NFE2L3: variants seen among roughly 807,000 people sequenced by gnomAD.
NFE2L3 encodes the protein NFE2 like bZIP transcription factor 3.
In NFE2L3, 18 loss-of-function variants were observed where a neutral mutation model predicts 23.5. That is an observed-to-expected ratio of 0.77 (90% CI 0.53 to 1.13). The LOEUF is 1.13. NFE2L3 is among the 50% of genes most tolerant of loss of function. The pLI, the probability that NFE2L3 is intolerant of heterozygous loss-of-function variation, is 0.00. For missense variants in NFE2L3, 1,152 were observed against 877.2 expected (o/e 1.31, Z -3.96); for synonymous variants, 424 against 354.5 (o/e 1.20, Z -2.20).
At chr7:26,163,839 A>G (rs1784207440) in intron 1 of NFE2L3, among the ~76,000 whole-genome samples, 2 of 151,220 alleles carry the variant, frequency 1.3e-5, no homozygotes, top group Admixed American at 6.6e-5. Context: ...CCAGTGTGTG[A>G]TGTTCCCCTT....
chr7:26,177,279 A>G (rs1042876058), intron 1 of NFE2L3, among the ~76,000 whole-genome samples: 2 of 152,228 alleles, frequency 1.3e-5, no homozygotes, highest in Non-Finnish European at 2.9e-5. Flanking sequence ...GCGAGCCGAG[A>G]TCATGCCACT....
At position 26,152,427 on chromosome 7, in the gene NFE2L3, C is replaced by T. The variant is rs1055881753; in HGVS notation, c.-72C>T. 1.8e-6 allele frequency: 2 copies of T among 1,100,684 alleles called. No individual in the cohort carries two copies. The highest frequency in any genetic ancestry group is 2.3e-6 in the Non-Finnish European group (2 of 876,026). 68.2% of individuals were successfully genotyped at this position (1,100,684 alleles called of 1,614,324 possible). A position where few individuals can be genotyped will look rare whatever the true frequency, so the allele number is the denominator to read the frequency against. On this transcript the variant is annotated 5_prime_UTR_variant, in exon 1 of 4. In the 5' UTR this introduces an upstream ATG that the reference lacks. Transcript: ENST00000056233. This position sits in a 1 kb window ranked among gnomAD's most constrained non-coding sequence, Gnocchi z 4.4. ...GTGCGGGCGGCGCGCGGGGTCCGCA[C>T]GTGTCACCCCGGCGGCTGGGGCGCC...
Position 26,185,937 on chromosome 7 carries a change from A to G in NFE2L3, c.*154A>G, listed in dbSNP as rs1218067697. Reference sequence around the variant, plus strand: ...ACGCTGTTTTGAAGCTTACATGGACAAATGTTTAGGACTTCAAGATCACAC... The same window carrying G: ...ACGCTGTTTTGAAGCTTACATGGACGAATGTTTAGGACTTCAAGATCACAC... On this transcript the variant is annotated 3_prime_UTR_variant, in exon 4 of 4. Coordinates refer to ENST00000056233, the MANE Select transcript of NFE2L3 (RefSeq NM_004289.7). 2 of 665,522 alleles carry G rather than the reference A, an allele frequency of 3.0e-6. No homozygotes were observed. The highest frequency in any genetic ancestry group is 4.8e-6 in the Non-Finnish European group (2 of 413,070). 41.2% of individuals were successfully genotyped at this position (665,522 alleles called of 1,614,324 possible). A position where few individuals can be genotyped will look rare whatever the true frequency, so the allele number is the denominator to read the frequency against.
chr7:26,160,547 A>C (rs188791511), intron 1 of NFE2L3, among the ~76,000 whole-genome samples: 73 of 152,360 alleles, frequency 4.8e-4, no homozygotes, highest in African/African-American at 1.7e-3. Flanking sequence ...GGCAAATTCA[A>C]ACTCTCTAGG....
At chr7:26,183,536 A>G (rs945816404) in intron 2 of NFE2L3, among the ~76,000 whole-genome samples, 165 bp from the exon 3 acceptor site, 1 of 151,466 alleles carries the variant, frequency 6.6e-6, no homozygotes, top group Non-Finnish European at 1.5e-5. Context: ...CCAGAGTGAG[A>G]TCCGTCTCAA....
intron 1 of NFE2L3, among the ~76,000 whole-genome samples, chr7:26,165,367 C>A (rs1027873535): frequency 1.3e-5 from 2 of 152,172 alleles, no homozygotes; most frequent in African/African-American, 4.8e-5. Flanking sequence ...TCCTTCACAT[C>A]CCTTGTAAGT....
At chr7:26,174,484 A>G (rs1257304524) in intron 1 of NFE2L3, 3 of 152,342 alleles carry the variant, frequency 2.0e-5, no homozygotes, top group Non-Finnish European at 2.9e-5. Context: ...AGCAGGAGCA[A>G]TATCTTGAGC....
At chr7:26,181,501 A>G (rs947907219) in intron 2 of NFE2L3, among the ~76,000 whole-genome samples, 1 of 152,176 alleles carries the variant, frequency 6.6e-6, no homozygotes, top group Non-Finnish European at 1.5e-5. Context: ...GGGGCCCCAA[A>G]GCTAGATATA....
At chr7:26,154,751 G>A (rs1463603637) in intron 1 of NFE2L3, among the ~76,000 whole-genome samples, 2 of 152,146 alleles carry the variant, frequency 1.3e-5, no homozygotes, top group Non-Finnish European at 2.9e-5. Context: ...ATGTTGCCTA[G>A]GCTGGTCTCG....
At chr7:26,184,091 T>C (rs1403636909) in intron 3 of NFE2L3, 1 of 399,384 alleles carries the variant, frequency 2.5e-6, no homozygotes, top group South Asian at 3.5e-5. Context: ...TGCACCCCCA[T>C]GTTTATTGCA....
At chr7:26,175,059 G>A (rs896173095) in intron 1 of NFE2L3, 4 of 152,100 alleles carry the variant, frequency 2.6e-5, no homozygotes, top group African/African-American at 9.7e-5. Context: ...ATTATAAAAG[G>A]AATATGGCGG....
intron 2 of NFE2L3, among the ~76,000 whole-genome samples, chr7:26,180,501 T>C (rs1277220437): frequency 6.6e-6 from 1 of 152,220 alleles, no homozygotes; most frequent in Non-Finnish European, 1.5e-5. Context: ...GACTTTTATA[T>C]TAAAATACTG....
At chr7:26,183,920 A>T (rs1782401590) in intron 3 of NFE2L3, 136 bp downstream of exon 3, 1 of 630,192 alleles carries the variant, frequency 1.6e-6, no homozygotes, top group South Asian at 2.0e-5. Context: ...TTCAGCTTAG[A>T]ATTAACCAAA....
intron 1 of NFE2L3, among the ~76,000 whole-genome samples, chr7:26,165,903 A>G (rs773046484): frequency 2.6e-5 from 4 of 152,224 alleles, no homozygotes; most frequent in Admixed American, 6.5e-5. Context: ...TTTAATAATC[A>G]TCACATATCT....
chr7:26,183,871 C>T (rs1562679296), intron 3 of NFE2L3, 87 bp downstream of exon 3: 1 of 875,010 alleles, frequency 1.1e-6, no homozygotes, highest in East Asian at 2.4e-5. Flanking sequence ...ACTTGGATGA[C>T]ACAGCAGTTT....
chr7:26,166,345 T>A (rs1432713734), intron 1 of NFE2L3, among the ~76,000 whole-genome samples: 2 of 152,138 alleles, frequency 1.3e-5, no homozygotes, highest in African/African-American at 4.8e-5. Flanking sequence ...TGGCTATACC[T>A]GTGTTCTGCT....
At chr7:26,176,150 C>T (rs1374621668) in intron 1 of NFE2L3, among the ~76,000 whole-genome samples, 1 of 152,078 alleles carries the variant, frequency 6.6e-6, no homozygotes, top group African/African-American at 2.4e-5. Flanking sequence ...TGACACAGCA[C>T]ATGTTTCAGA....
Position 26,185,016 on chromosome 7 carries a change from T to C in NFE2L3, c.1318T>C (p.Ser440Pro), listed in dbSNP as rs763667974. The change falls in exon 4 of 4, where the codon TCT becomes CCT. Residue 440 changes from serine (S) to proline (P), a missense_variant. Physicochemically the swap from Ser to Pro is moderately conservative, Grantham distance 74. Transcript: ENST00000056233. ...TSVIKSNSSH[S>P]VCDEGAIGYC... ...TGTCATCAAGTCTAATTCCTCTCACTCTGTGTGTGATGAAGGTGCTATAGG... is the reference window on the plus strand; with the variant it reads ...TGTCATCAAGTCTAATTCCTCTCACCCTGTGTGTGATGAAGGTGCTATAGG... 1 of 1,613,794 alleles carries C rather than the reference T, an allele frequency of 6.2e-7. No homozygotes were observed. Among genetic ancestry groups the C allele is most frequent in the East Asian group, 2.2e-5 (1 of 44,860 alleles).
rs147771944 is a variant in NFE2L3, at chr7:26,167,101, C to A, written c.571-10842C>A. On this transcript the variant is annotated intron_variant, in intron 1 of 3. Transcript: ENST00000056233. ...AGAAAAGAAAAGGCCAGCTTTGCTC[C>A]TTTCTTCCCCTTTCCACTACATTAC... 7.0e-4 allele frequency among the ~76,000 whole-genome samples: 107 copies of A among 152,314 alleles called. 4 individuals carry two copies. The East Asian group carries it at 0.018, about 26-fold the overall frequency.
Sources: gnomAD v4.1 joint callset for allele counts (sites outside exome capture counted in the v4.1 genomes callset) on GRCh38, gnomAD v4.1.1 for gene constraint, Gnocchi (gnomAD v3.1) non-coding constraint, MANE v1.5 for transcripts, NCBI Gene and HGNC (gene_info 2026-07-23, HGNC 2026-07-21) for gene names.